The following LRRC7 variants were observed in gnomAD, a reference collection of about 807,000 sequenced individuals.
LRRC7 encodes leucine rich repeat containing 7.
A neutral mutation model predicts 175.7 loss-of-function variants in LRRC7; 23 were observed. The ratio of observed to expected loss-of-function variants is 0.13; its 90% CI spans 0.09 to 0.19. LRRC7 has a LOEUF of 0.19. Among genes scored for constraint, LRRC7 ranks in the 10% least tolerant of loss-of-function variants. The pLI is 1.00. For synonymous variants in LRRC7, 685 were observed against 680.9 expected, an observed-to-expected ratio of 1.01 and a Z score of -0.09; for missense variants, 1,354 against 1,904.7, an observed-to-expected ratio of 0.71 and a Z score of 5.38.
At chr1:69,883,945 G>A (rs1216249054) in intron 7 of LRRC7, among the ~76,000 whole-genome samples, 2 of 71,426 alleles carry the variant, frequency 2.8e-5, no homozygotes, top group Admixed American at 1.6e-4. Flanking sequence ...CATTATTTCT[G>A]AGGGCTCTGT....
At chr1:69,939,039 A>G (rs1023010) in intron 8 of LRRC7, among the ~76,000 whole-genome samples, 1,252 of 81,442 alleles carry the variant, frequency 0.015, 87 homozygotes, top group African/African-American at 0.045. Context: ...ATCTATATAT[A>G]TCTATATCTA....
chr1:70,017,311 T>A (rs1363129272), intron 14 of LRRC7, among the ~76,000 whole-genome samples: 1 of 152,062 alleles, frequency 6.6e-6, no homozygotes, highest in Non-Finnish European at 1.5e-5. Context: ...TGGCAACTAT[T>A]AGTATTTTCT....
intron 2 of LRRC7, among the ~76,000 whole-genome samples, chr1:69,699,473 G>A (rs1024400070): frequency 5.3e-5 from 8 of 152,160 alleles, no homozygotes; most frequent in African/African-American, 1.9e-4. Context: ...CCGGGAGGCA[G>A]AGGTTGCAGT....
At chr1:69,637,097 T>TCTCTCTCTCTCTCTC (rs1653496690) in intron 1 of LRRC7, among the ~76,000 whole-genome samples, 1 of 149,238 alleles carries the variant, frequency 6.7e-6, no homozygotes, top group Admixed American at 6.7e-5. Flanking sequence ...TCTCTCTCTC[T>TCTCTCTCTCTCTCTC]TCCCCTCCCC....
rs941722127 is a variant in LRRC7, at chr1:69,653,476, A to T, written c.3-24905A>T. ...ATAATCAGTTTTTTTAAGTGTTAGC[A>T]AGTATGCGTGCTAATAAAAAAAAAG... On this transcript the variant is annotated intron_variant, in intron 1 of 26. Transcript: ENST00000651989. Among the ~76,000 whole-genome samples the T allele has an allele frequency of 2.0e-5, 3 of 151,158 alleles. No individual in the cohort carries two copies. The East Asian group carries it at 5.8e-4, about 29-fold the overall frequency.
chr1:69,683,856 G>C (rs1660794964), intron 2 of LRRC7, among the ~76,000 whole-genome samples: 2 of 149,854 alleles, frequency 1.3e-5, no homozygotes, highest in South Asian at 4.3e-4. Flanking sequence ...TAATTTACAT[G>C]TAAAAATATC....
intron 1 of LRRC7, among the ~76,000 whole-genome samples, chr1:69,572,658 A>G (rs1174534552): frequency 6.6e-6 from 1 of 152,186 alleles, no homozygotes; most frequent in African/African-American, 2.4e-5. Flanking sequence ...AGGAGTAAGA[A>G]AAACTTAGGT....
In LRRC7 at chr1:70,060,600, GA is replaced by G. The variant is rs1296744254; in HGVS notation, c.4230+7462del. Among the ~76,000 whole-genome samples the G allele has an allele frequency of 3.3e-5, 5 of 151,956 alleles. No homozygotes were observed. The South Asian group carries it at 6.2e-4, about 19-fold the overall frequency. ...GAGAGAGATGAGGATTTAAATATTG[GA>G]AAAAAATAGATGGCAGAAAGTAGAG... On this transcript the variant is annotated intron_variant, in intron 23 of 26. Coordinates refer to ENST00000651989, the MANE Select transcript of LRRC7 (RefSeq NM_001370785.2).
intron 15 of LRRC7, 152 bp from the exon 16 acceptor site, chr1:70,020,846 TTCTTTTC>T: frequency 1.0e-5 from 5 of 492,710 alleles, no homozygotes; most frequent in Non-Finnish European, 1.6e-5. Flanking sequence ...GGGAATTTTA[TTCTTTTC>T]TCTTTCCTTC....
intron 11 of LRRC7, among the ~76,000 whole-genome samples, chr1:70,008,639 G>T (rs1181292081): frequency 6.6e-6 from 1 of 152,142 alleles, no homozygotes; most frequent in Non-Finnish European, 1.5e-5. Flanking sequence ...GATTAATGAC[G>T]TTTTCCTTGG....
chr1:70,096,568 G>T (rs1382792648), intron 25 of LRRC7, among the ~76,000 whole-genome samples: 1 of 151,660 alleles, frequency 6.6e-6, no homozygotes, highest in Non-Finnish European at 1.5e-5. Context: ...GTTCATTGAG[G>T]TATACTGAGT....
chr1:69,942,257 A>G (rs189138991), intron 8 of LRRC7, among the ~76,000 whole-genome samples: 1 of 152,244 alleles, frequency 6.6e-6, no homozygotes, highest in East Asian at 1.9e-4. Context: ...GGGTATCCCC[A>G]TACAACTTCC....
intron 4 of LRRC7, among the ~76,000 whole-genome samples, chr1:69,811,024 T>A (rs1677788873): frequency 6.6e-6 from 1 of 152,126 alleles, no homozygotes; most frequent in Non-Finnish European, 1.5e-5. Context: ...AATCTGTCCA[T>A]CTGACAAAGG....
chr1:69,651,878 CAG>C (rs1655881611), intron 1 of LRRC7, among the ~76,000 whole-genome samples: 2 of 152,000 alleles, frequency 1.3e-5, no homozygotes, highest in Non-Finnish European at 2.9e-5. Context: ...ACAGAACTGG[CAG>C]AGTTTGCATT....
intron 1 of LRRC7, among the ~76,000 whole-genome samples, chr1:69,654,072 G>T (rs1375788257): frequency 2.0e-5 from 3 of 151,294 alleles, no homozygotes; most frequent in Admixed American, 2.0e-4. Flanking sequence ...ATCCTGTAAT[G>T]TACACTTAAA....
At chr1:69,877,461 C>T (rs1284458150) in intron 7 of LRRC7, among the ~76,000 whole-genome samples, 1 of 152,040 alleles carries the variant, frequency 6.6e-6, no homozygotes, top group Non-Finnish European at 1.5e-5. Context: ...TCTAAAGCTA[C>T]TTAGACAATT....
chr1:69,781,851 GAAA>G (rs1281036396), intron 3 of LRRC7, among the ~76,000 whole-genome samples: 5 of 97,340 alleles, frequency 5.1e-5, no homozygotes, highest in Non-Finnish European at 9.9e-5. Flanking sequence ...GGAAGGGAGA[GAAA>G]GAAAGAGAAG....
At chr1:69,681,710 A>G (rs1483110525) in intron 2 of LRRC7, among the ~76,000 whole-genome samples, 1 of 152,132 alleles carries the variant, frequency 6.6e-6, no homozygotes, top group Admixed American at 6.6e-5. Context: ...TTCTCTGTCC[A>G]GGAAAATGTT....
chr1:69,625,224 T>C lies in LRRC7; in HGVS notation c.3-53157T>C, dbSNP rs371393299. Among the ~76,000 whole-genome samples the C allele has an allele frequency of 5.3e-5, 8 of 151,676 alleles. No homozygotes were observed. The East Asian group carries it at 7.9e-4, about 15-fold the overall frequency. On this transcript the variant is annotated intron_variant, in intron 1 of 26. Transcript: ENST00000651989. ...CTCTTATGTCAATTTTATTAAGCTG[T>C]ATTTTATGGGAATTTGTCTTTTGAT...
Sources: gnomAD v4.1 joint callset for allele counts (sites outside exome capture counted in the v4.1 genomes callset) on GRCh38, gnomAD v4.1.1 for gene constraint, MANE v1.5 for transcripts, NCBI Gene and HGNC (gene_info 2026-07-23, HGNC 2026-07-21) for gene names.